The following INSL6 variants were observed in gnomAD, a reference collection of about 807,000 sequenced individuals.
The protein encoded by INSL6 is insulin like 6.
INSL6 carries 16 observed loss-of-function variants against 9.4 expected under a neutral mutation model. The ratio of observed to expected loss-of-function variants is 1.70; its 90% CI spans 1.15 to 2.59. The LOEUF is 2.59. INSL6 is among the 30% of genes most tolerant of loss of function. INSL6 has a pLI of 0.00. For synonymous variants in INSL6, 154 were observed against 96.9 expected, an observed-to-expected ratio of 1.59 and a Z score of -3.46; for missense variants, 391 against 257.3, an observed-to-expected ratio of 1.52 and a Z score of -3.56.
the INSL6 span, chr9:5,041,513 C>T: frequency 5.3e-6 from 3 of 562,688 alleles, no homozygotes; most frequent in South Asian, 1.5e-5. Context: ...ACACATAGCG[C>T]GCCACGCCCA....
chr9:5,054,659 T>G, the INSL6 span: 2 of 1,613,356 alleles, frequency 1.2e-6, no homozygotes, highest in Non-Finnish European at 1.7e-6. This position sits in a 1 kb window ranked among gnomAD's most constrained non-coding sequence, Gnocchi z 4.9. Flanking sequence ...GCAGATTTAT[T>G]CAGCAATTCA....
At chr9:5,059,041 C>A in the INSL6 span, among the ~76,000 whole-genome samples, 2 of 152,060 alleles carry the variant, frequency 1.3e-5, no homozygotes, top group African/African-American at 4.8e-5. Flanking sequence ...TTAGCTAGTT[C>A]AACTTTTGTT....
At chr9:5,149,673 A>C (rs1015046103) in intron 2 of INSL6, among the ~76,000 whole-genome samples, 1 of 151,210 alleles carries the variant, frequency 6.6e-6, no homozygotes, top group African/African-American at 2.4e-5. Context: ...AGCAATATAC[A>C]GATTAAATAC....
chr9:5,102,449 C>A, the INSL6 span, among the ~76,000 whole-genome samples: 1 of 152,098 alleles, frequency 6.6e-6, no homozygotes, highest in Non-Finnish European at 1.5e-5. Flanking sequence ...GAGAATGGAA[C>A]CAAGCTGGAA....
chr9:5,173,750 T>C (rs1335107929), intron 1 of INSL6, among the ~76,000 whole-genome samples: 1 of 150,960 alleles, frequency 6.6e-6, no homozygotes, highest in African/African-American at 2.4e-5. Flanking sequence ...ATCTCGCTCA[T>C]GTACTGCTGA....
the INSL6 span, among the ~76,000 whole-genome samples, chr9:5,014,454 G>T: frequency 6.6e-6 from 1 of 152,072 alleles, no homozygotes; most frequent in African/African-American, 2.4e-5. Flanking sequence ...ATACATTAAG[G>T]TTCTTACCTT....
chr9:5,023,652 C>T, the INSL6 span, among the ~76,000 whole-genome samples: 1 of 152,186 alleles, frequency 6.6e-6, no homozygotes, highest in Admixed American at 6.5e-5. Flanking sequence ...TTGCCAATCC[C>T]GGCTGGGCAG....
chr9:5,014,169 T>C, the INSL6 span, among the ~76,000 whole-genome samples: 6 of 149,036 alleles, frequency 4.0e-5, no homozygotes, highest in Non-Finnish European at 9.0e-5. Context: ...TCTTTCTTTT[T>C]TTTTTTTTTT....
chr9:5,178,410 T>A (rs1481086857), intron 1 of INSL6, among the ~76,000 whole-genome samples: 1 of 151,976 alleles, frequency 6.6e-6, no homozygotes, highest in Non-Finnish European at 1.5e-5. Context: ...CTTTGGCAGA[T>A]TGTGGCCAGA....
At chr9:5,151,842 C>T (rs1756547776) in intron 2 of INSL6, among the ~76,000 whole-genome samples, 1 of 152,056 alleles carries the variant, frequency 6.6e-6, no homozygotes, top group African/African-American at 2.4e-5. Context: ...GAAAAGCATA[C>T]ACTGTGAACT....
At chr9:5,127,172 A>C (rs941103826) in intron 3 of INSL6, 4 of 240,130 alleles carry the variant, frequency 1.7e-5, no homozygotes, top group Non-Finnish European at 2.4e-5. Context: ...TTTTTACCAC[A>C]GTGGATGTAT....
chr9:5,130,016 C>G (rs1262434034), intron 3 of INSL6, among the ~76,000 whole-genome samples: 1 of 152,060 alleles, frequency 6.6e-6, no homozygotes, highest in Admixed American at 6.5e-5. Context: ...ATGTTTCATT[C>G]TTTTTTATAG....
chr9:5,128,476 T>C (rs373031512), intron 3 of INSL6, among the ~76,000 whole-genome samples: 186 of 151,950 alleles, frequency 1.2e-3, no homozygotes, highest in African/African-American at 4.2e-3. Context: ...AAGTGAAAAA[T>C]AGCCTATCAT....
the INSL6 span, among the ~76,000 whole-genome samples, chr9:5,037,421 G>A: frequency 7.4e-3 from 1,132 of 152,200 alleles, 14 homozygotes; most frequent in African/African-American, 0.026. Flanking sequence ...TGTTTATTGC[G>A]GCACTATTCA....
At chr9:5,072,680 C>G in the INSL6 span, 5 of 1,365,230 alleles carry the variant, frequency 3.7e-6, no homozygotes, top group South Asian at 6.7e-5. Flanking sequence ...AAGATGTGCT[C>G]TCATATGCAT....
At chr9:5,085,759 C>G in the INSL6 span, 1 of 754,886 alleles carries the variant, frequency 1.3e-6, no homozygotes, top group Non-Finnish European at 2.5e-6. Context: ...CTAGCTTGCA[C>G]ATGTCGGGAG....
At chr9:5,011,209 A>G in the INSL6 span, among the ~76,000 whole-genome samples, 1 of 151,290 alleles carries the variant, frequency 6.6e-6, no homozygotes, top group Non-Finnish European at 1.5e-5. Context: ...TGTTCCACTT[A>G]TATGTATCAG....
chr9:5,039,385 T>C, the INSL6 span, among the ~76,000 whole-genome samples: 4 of 152,150 alleles, frequency 2.6e-5, no homozygotes, highest in African/African-American at 9.6e-5. Flanking sequence ...ATTTACATTG[T>C]ATTAGGTATT....
At chr9:5,150,295 CAACA>C (rs1420705345) in intron 2 of INSL6, among the ~76,000 whole-genome samples, 2 of 152,034 alleles carry the variant, frequency 1.3e-5, no homozygotes, top group South Asian at 2.1e-4. Flanking sequence ...AAGAAATAAT[CAACA>C]AACATACAAC....
Sources: allele counts gnomAD v4.1 joint callset (sites outside exome capture counted in the v4.1 genomes callset), GRCh38; gene constraint gnomAD v4.1.1; non-coding constraint Gnocchi (gnomAD v3.1); transcripts MANE v1.5; gene names NCBI Gene and HGNC (gene_info 2026-07-23, HGNC 2026-07-21).